The following ZNF569 variants were observed in gnomAD, a reference collection of about 807,000 sequenced individuals.
ZNF569 encodes the protein zinc finger protein 569.
A neutral mutation model predicts 56.3 loss-of-function variants in ZNF569; 38 were observed. The ratio of observed to expected loss-of-function variants is 0.68; its 90% CI spans 0.52 to 0.88. ZNF569 has a LOEUF of 0.88. Ranked by LOEUF, ZNF569 falls within the 40% of genes least tolerant of loss-of-function variation. The pLI is 0.00. For synonymous variants in ZNF569, 241 were observed against 262.9 expected (o/e 0.92, Z 0.81); for missense variants, 666 against 809.2 (o/e 0.82, Z 2.15).
intron 5 of ZNF569, among the ~76,000 whole-genome samples, chr19:37,418,477 G>T (rs566777809): frequency 6.6e-6 from 1 of 152,290 alleles, no homozygotes; most frequent in Admixed American, 6.5e-5. Context: ...ATGGATGATA[G>T]ATGTAAACAT....
intron 5 of ZNF569, among the ~76,000 whole-genome samples, chr19:37,420,529 T>G (rs1212717987): frequency 6.6e-6 from 1 of 152,206 alleles, no homozygotes; most frequent in Non-Finnish European, 1.5e-5. Context: ...AAGAAATGAC[T>G]TTCTTTGTTC....
upstream of ZNF569, chr19:37,469,235 G>C (rs527494489): frequency 2.2e-5 from 30 of 1,362,602 alleles, no homozygotes; most frequent in East Asian, 4.6e-4. Flanking sequence ...GAGCTGCACC[G>C]CTGCTGCCAG....
At chr19:37,461,999 A>G (rs1369561875) in intron 2 of ZNF569, among the ~76,000 whole-genome samples, 1 of 152,134 alleles carries the variant, frequency 6.6e-6, no homozygotes, top group Non-Finnish European at 1.5e-5. Flanking sequence ...CCTGAAAATC[A>G]TAATTTCTCT....
At chr19:37,464,082 C>T (rs1412128683) in intron 2 of ZNF569, among the ~76,000 whole-genome samples, 1 of 152,070 alleles carries the variant, frequency 6.6e-6, no homozygotes, top group Non-Finnish European at 1.5e-5. Flanking sequence ...CCTAAGTGTA[C>T]GGTGTTTATA....
At chr19:37,454,858 T>A in intron 2 of ZNF569, 1 of 702,630 alleles carries the variant, frequency 1.4e-6, no homozygotes, top group South Asian at 1.5e-5. Context: ...TCTGGCAGAG[T>A]CCATCCCAGG....
At chr19:37,450,979 T>C (rs2041582020) in intron 2 of ZNF569, among the ~76,000 whole-genome samples, 1 of 152,234 alleles carries the variant, frequency 6.6e-6, no homozygotes. Context: ...TCAGAAAATA[T>C]ATTTGGTATG....
chr19:37,432,307 G>A (rs2041239142), intron 3 of ZNF569, among the ~76,000 whole-genome samples: 1 of 152,152 alleles, frequency 6.6e-6, no homozygotes, highest in Admixed American at 6.5e-5. Context: ...CCCTCCCCTA[G>A]CTCCAGGCAA....
At chr19:37,455,523 T>C (rs771081857) in intron 2 of ZNF569, among the ~76,000 whole-genome samples, 1 of 152,178 alleles carries the variant, frequency 6.6e-6, no homozygotes, top group Non-Finnish European at 1.5e-5. Flanking sequence ...ATATATATTT[T>C]TTAACACTCC....
At position 37,411,707 on chromosome 19, in the gene ZNF569, T is replaced by C. The variant is rs936289203; in HGVS notation, c.*890A>G. ...AGTTGGATTTTATTTTTGTATATGA[T>C]ATAAAGTAGAAAGCTAAAATTTTTC... is the stretch of plus-strand genomic sequence containing the variant. On this transcript the variant is annotated 3_prime_UTR_variant, in exon 6 of 6. Transcript: ENST00000316950. 6.6e-6 allele frequency: 1 copy of C among 152,162 alleles called. No homozygotes were observed. The highest frequency in any genetic ancestry group is 1.5e-5 in the Non-Finnish European group (1 of 67,982). The allele number at this position is 152,162 out of a possible 1,614,324, so 9.4% of individuals were successfully genotyped here. A position where few individuals can be genotyped will look rare whatever the true frequency, so the allele number is the denominator to read the frequency against.
Position 37,458,439 on chromosome 19 carries a change from T to C in ZNF569, c.-44+6874A>G, listed in dbSNP as rs954715499. On this transcript the variant is annotated intron_variant, in intron 2 of 5. Coordinates refer to ENST00000316950, the MANE Select transcript of ZNF569 (RefSeq NM_152484.3). ...ATATTACGTTTCCATGCCTAAAAAC[T>C]ATCTCTTGATTGCTGATCATCAGTT... Among the ~76,000 whole-genome samples the C allele has an allele frequency of 5.3e-5, 8 of 152,230 alleles. No individual in the cohort carries two copies. The East Asian group carries it at 1.5e-3, about 29-fold the overall frequency.
chr19:37,463,305 T>C (rs2041782829), intron 2 of ZNF569, among the ~76,000 whole-genome samples: 1 of 152,188 alleles, frequency 6.6e-6, no homozygotes, highest in Non-Finnish European at 1.5e-5. Context: ...AAGACTTTAA[T>C]GAAGCTAAAA....
chr19:37,414,107 G>T lies in ZNF569; in HGVS notation c.551C>A (p.Thr184Asn). The part of the protein sequence containing the change: ...YGNSSSHFVI[T>N]PFKCNHCGKG... ...TCCACAATGATTACACTTAAAGGGG[G>T]TAATGACAAAATGGGATGAGCTATT... The change falls in exon 6 of 6, where the codon ACC (threonine) becomes AAC (asparagine). Residue 184 changes from threonine (T) to asparagine (N), a missense_variant. Physicochemically the swap from Thr to Asn is moderately conservative, Grantham distance 65. Transcript: ENST00000316950. The T allele has an allele frequency of 1.2e-6, 2 of 1,613,802 alleles. No homozygotes were observed. Among genetic ancestry groups the T allele is most frequent in the Non-Finnish European group, 8.5e-7 (1 of 1,179,900 alleles).
At chr19:37,461,112 G>A (rs1049213164) in intron 2 of ZNF569, among the ~76,000 whole-genome samples, 18 of 152,082 alleles carry the variant, frequency 1.2e-4, no homozygotes, top group Admixed American at 2.6e-4. Flanking sequence ...GTACCTAAGG[G>A]TGAACAAAGA....
chr19:37,466,202 C>G (rs1309260131), intron 1 of ZNF569, among the ~76,000 whole-genome samples: 1 of 152,190 alleles, frequency 6.6e-6, no homozygotes, highest in Admixed American at 6.5e-5. Context: ...CCCCACTCCA[C>G]TCCCCAAATG....
chr19:37,429,375 GAGAA>G (rs2041189212), intron 3 of ZNF569, among the ~76,000 whole-genome samples: 1 of 152,226 alleles, frequency 6.6e-6, no homozygotes. Context: ...AGCAATGAAG[GAGAA>G]AGAGTTTCGT....
intron 2 of ZNF569, among the ~76,000 whole-genome samples, chr19:37,446,839 A>G (rs2041506349): frequency 1.3e-5 from 2 of 152,156 alleles, no homozygotes; most frequent in South Asian, 4.1e-4. Flanking sequence ...AATGGGAGAA[A>G]ATCTTCACAA....
chr19:37,461,325 T>G (rs1300243210), intron 2 of ZNF569, among the ~76,000 whole-genome samples: 1 of 151,588 alleles, frequency 6.6e-6, no homozygotes, highest in Non-Finnish European at 1.5e-5. Flanking sequence ...TTTTTTTTTT[T>G]TTTTTGACAG....
chr19:37,435,930 A>G (rs2041301684), intron 3 of ZNF569, among the ~76,000 whole-genome samples: 1 of 152,174 alleles, frequency 6.6e-6, no homozygotes, highest in Non-Finnish European at 1.5e-5. Context: ...TCAGCACTGG[A>G]CAGACTATCC....
At chr19:37,442,634 G>A (rs929429122) in intron 3 of ZNF569, among the ~76,000 whole-genome samples, 1 of 152,190 alleles carries the variant, frequency 6.6e-6, no homozygotes, top group Non-Finnish European at 1.5e-5. Flanking sequence ...GATACAGGGA[G>A]ATTAGTAGGC....
Sources: allele counts gnomAD v4.1 joint callset (sites outside exome capture counted in the v4.1 genomes callset), GRCh38; gene constraint gnomAD v4.1.1; transcripts MANE v1.5; gene names NCBI Gene and HGNC (gene_info 2026-07-23, HGNC 2026-07-21).